LPIN2: variants seen among roughly 807,000 people sequenced by gnomAD.
LPIN2 encodes the protein phosphatidate phosphatase LPIN2.
A neutral mutation model predicts 111.4 loss-of-function variants in LPIN2; 55 were observed. The observed-to-expected ratio is 0.49, with a 90% CI of 0.40 to 0.62. The LOEUF (loss-of-function observed/expected upper bound fraction) is 0.62. LPIN2 is among the 20% of genes least tolerant of loss of function. The probability of loss-of-function intolerance (pLI) is 0.00; values close to 1 mark genes in which losing one functional copy is unlikely to be tolerated. For missense variants in LPIN2, 992 were observed against 1,112.1 expected (o/e 0.89, Z 1.54); for synonymous variants, 425 against 414.0 (o/e 1.03, Z -0.32).
chr18:2,962,760 G>C (rs932252883), intron 1 of LPIN2, among the ~76,000 whole-genome samples: 8 of 152,104 alleles, frequency 5.3e-5, no homozygotes, highest in African/African-American at 1.7e-4. Context: ...CATCCAAGCA[G>C]TCAATCTTGG....
At chr18:2,997,466 C>T (rs1455743907) in intron 1 of LPIN2, among the ~76,000 whole-genome samples, 1 of 145,438 alleles carries the variant, frequency 6.9e-6, no homozygotes, top group African/African-American at 2.5e-5. Flanking sequence ...TTCAAAGGAA[C>T]ATTAATGAAG....
At chr18:2,958,157 A>AAAAAAAAAAAAAAAAAAG (rs2077646238) in intron 2 of LPIN2, among the ~76,000 whole-genome samples, 1 of 39,058 alleles carries the variant, frequency 2.6e-5, no homozygotes, top group Non-Finnish European at 4.2e-5. Context: ...AAAAAAAAAA[A>AAAAAAAAAAAAAAAAAAG]CAACAAAAAA....
rs1555678271 is a variant in LPIN2 at position 2,958,158 on chromosome 18, C to CAAAAAAAAA, written c.192+2490_192+2491insTTTTTTTTT. ...CTCCATCTCAAAAAAAAAAAAAAAA[C>CAAAAAAAAA]AACAAAAAAAAAAAACAGAAAAAAG... On this transcript the variant is annotated intron_variant, in intron 2 of 19. Coordinates refer to ENST00000677752, the MANE Select transcript of LPIN2 (RefSeq NM_001375808.2). Among the ~76,000 whole-genome samples the CAAAAAAAAA allele has an allele frequency of 1.4e-4, 5 of 35,348 alleles. 1 individual carries two copies. Among genetic ancestry groups the CAAAAAAAAA allele is most frequent in the Non-Finnish European group, 2.6e-4 (5 of 19,332 alleles). The allele number at this position is 35,348 out of a possible 152,430, so 23.2% of individuals were successfully genotyped here. A position where few individuals can be genotyped will look rare whatever the true frequency, so the allele number is the denominator to read the frequency against.
intron 2 of LPIN2, among the ~76,000 whole-genome samples, chr18:2,960,219 T>TGTGTGTGTG (rs1568574269): frequency 1.9e-4 from 28 of 147,218 alleles, no homozygotes; most frequent in South Asian, 4.3e-4. Flanking sequence ...TGTGTGTGTG[T>TGTGTGTGTG]TCTTGATTAT....
intron 1 of LPIN2, among the ~76,000 whole-genome samples, chr18:2,988,159 T>C (rs2078214733): frequency 6.6e-6 from 1 of 152,002 alleles, no homozygotes; most frequent in Admixed American, 6.6e-5. Context: ...GTCAGCTCTC[T>C]CTCCAAATTT....
Position 2,952,829 on chromosome 18 carries a change from A to G in LPIN2, c.289-1473T>C, listed in dbSNP as rs61640053. On this transcript the variant is annotated intron_variant, in intron 3 of 19. Transcript: ENST00000677752. Reference sequence around the variant, plus strand: ...CTACCAGCAAGAAAATGGTTAAACAAACTATGGTATGTCCATACTATGGAA... The same window carrying G: ...CTACCAGCAAGAAAATGGTTAAACAGACTATGGTATGTCCATACTATGGAA... Among the ~76,000 whole-genome samples the G allele has an allele frequency of 6.6e-4, 101 of 152,336 alleles. 1 individual carries two copies. Among genetic ancestry groups the G allele is most frequent in the African/African-American group, 1.8e-3 (73 of 41,576 alleles).
rs368241948 is a variant in LPIN2, at chr18:2,960,738, C to T, written c.103G>A (p.Val35Met). The T allele has an allele frequency of 8.1e-6, 13 of 1,613,998 alleles. No homozygotes were observed. The highest frequency in any genetic ancestry group is 1.7e-5 in the Admixed American group (1 of 59,998). Reference protein sequence around the residue: ...ATLSGCIDVIVVQQQDGSYQC... With the variant: ...ATLSGCIDVIMVQQQDGSYQC... ...TAGCTGCCATCCTGCTGCTGTACCA[C>T]GATGACATCAATGCACCCAGAGAGG... The change falls in exon 2 of 20, where the codon GTG (valine) becomes ATG (methionine). Residue 35 changes from valine to methionine, a missense_variant. Val to Met is a conservative substitution (Grantham distance 21). Transcript: ENST00000677752.
intron 1 of LPIN2, among the ~76,000 whole-genome samples, chr18:3,007,931 G>A (rs923479383): frequency 2.0e-5 from 3 of 152,202 alleles, no homozygotes; most frequent in Non-Finnish European, 4.4e-5. Flanking sequence ...TGTCTCCAGT[G>A]CAGCTGAACA....
intron 9 of LPIN2, 30 bp downstream of exon 9, chr18:2,931,226 A>G: frequency 6.2e-7 from 1 of 1,610,870 alleles, no homozygotes; most frequent in South Asian, 1.1e-5. Context: ...GCTCTCTGAA[A>G]TGAAGATGGG....
chr18:2,978,459 A>C (rs1433310280), intron 1 of LPIN2, among the ~76,000 whole-genome samples: 1 of 152,194 alleles, frequency 6.6e-6, no homozygotes, highest in Non-Finnish European at 1.5e-5. Flanking sequence ...ATTATGAGAC[A>C]ACATCAGACA....
intron 1 of LPIN2, among the ~76,000 whole-genome samples, chr18:3,003,096 T>G (rs917798974): frequency 3.3e-5 from 5 of 152,206 alleles, no homozygotes; most frequent in Non-Finnish European, 7.3e-5. Context: ...TATCTCCCTA[T>G]TACAAAAGAG....
intron 1 of LPIN2, among the ~76,000 whole-genome samples, chr18:3,009,497 G>C (rs1426899794): frequency 6.6e-6 from 1 of 151,784 alleles, no homozygotes; most frequent in Non-Finnish European, 1.5e-5. Context: ...GGAGTGCAGT[G>C]ACACAATCTC....
chr18:2,974,461 G>A (rs536818425), intron 1 of LPIN2, among the ~76,000 whole-genome samples: 3 of 152,180 alleles, frequency 2.0e-5, no homozygotes, highest in Non-Finnish European at 4.4e-5. Context: ...GTAAAATAAC[G>A]TAACTGTTTT....
chr18:2,965,491 G>A (rs1226458534), intron 1 of LPIN2, among the ~76,000 whole-genome samples: 2 of 152,128 alleles, frequency 1.3e-5, no homozygotes, highest in African/African-American at 2.4e-5. Flanking sequence ...CACTTTGGGA[G>A]GCCGAGGCAG....
rs1305040614 is a variant in LPIN2 at position 2,919,924 on chromosome 18, AAACTGGAACACTTCACTGT to A, written c.*350_*368del. 6.0e-6 allele frequency: 2 copies of A among 334,978 alleles called. No individual in the cohort carries two copies. The highest frequency in any genetic ancestry group is 4.2e-5 in the African/African-American group (2 of 47,094). The allele number at this position is 334,978 out of a possible 1,614,324, so 20.8% of individuals were successfully genotyped here. On this transcript the variant is annotated 3_prime_UTR_variant, in exon 20 of 20. Coordinates refer to ENST00000677752, the MANE Select transcript of LPIN2 (RefSeq NM_001375808.2). ...AGAAGCCACCTCAACTGCCCAGTGGAAACTGGAACACTTCACTGTGTGCAGTGTTTTGGTCCACTCTTTT... is the reference window on the plus strand; with the variant it reads ...AGAAGCCACCTCAACTGCCCAGTGGAGTGCAGTGTTTTGGTCCACTCTTTT...
intron 1 of LPIN2, among the ~76,000 whole-genome samples, chr18:3,002,647 T>G (rs556001774): frequency 6.6e-6 from 1 of 152,232 alleles, no homozygotes; most frequent in Non-Finnish European, 1.5e-5. Flanking sequence ...TTTGGCACTA[T>G]GAGAATAAAG....
At chr18:3,011,322 G>A (rs891882371) in intron 1 of LPIN2, among the ~76,000 whole-genome samples, 2 of 152,138 alleles carry the variant, frequency 1.3e-5, no homozygotes, top group African/African-American at 4.8e-5. Flanking sequence ...GCCATCAAAC[G>A]TTAAAACAGA....
At chr18:2,939,900 G>A (rs1277776166) in intron 5 of LPIN2, among the ~76,000 whole-genome samples, 3 of 152,180 alleles carry the variant, frequency 2.0e-5, no homozygotes, top group Non-Finnish European at 4.4e-5. Context: ...TAATTTTGTA[G>A]GAAAGGAAAA....
At chr18:2,998,444 A>G (rs927781867) in intron 1 of LPIN2, among the ~76,000 whole-genome samples, 1 of 152,172 alleles carries the variant, frequency 6.6e-6, no homozygotes, top group East Asian at 1.9e-4. Context: ...TGTCTATTCT[A>G]TTCTGAGAGC....
Sources: allele counts gnomAD v4.1 joint callset (sites outside exome capture counted in the v4.1 genomes callset), GRCh38; gene constraint gnomAD v4.1.1; transcripts MANE v1.5; gene names NCBI Gene and HGNC (gene_info 2026-07-23, HGNC 2026-07-21).